The following SYNPR variants were observed in gnomAD, a reference collection of about 807,000 sequenced individuals.
The protein encoded by SYNPR is synaptoporin.
A neutral mutation model predicts 32.9 loss-of-function variants in SYNPR; 23 were observed. That is an observed-to-expected ratio of 0.70 (90% confidence interval 0.50 to 0.99). The LOEUF is 0.99. Ranked by LOEUF, SYNPR falls within the 50% of genes least tolerant of loss-of-function variation. SYNPR has a pLI of 0.00. For synonymous variants in SYNPR, 146 were observed against 135.9 expected, an observed-to-expected ratio of 1.07 and a Z score of -0.52; for missense variants, 318 against 349.3, an observed-to-expected ratio of 0.91 and a Z score of 0.71.
intron 3 of SYNPR, among the ~76,000 whole-genome samples, chr3:63,505,023 G>GT (rs912155787): frequency 1.5e-4 from 23 of 152,040 alleles, no homozygotes; most frequent in African/African-American, 5.3e-4. Context: ...GTGAAAGATG[G>GT]TAAGTGAACT....
chr3:63,452,104 C>A lies in SYNPR; in HGVS notation c.85-28728C>A, dbSNP rs780922610. 3 of 701,914 alleles carry A rather than the reference C, an allele frequency of 4.3e-6. No individual in the cohort carries two copies. The East Asian group carries it at 8.1e-5, about 19-fold the overall frequency. 43.5% of individuals were successfully genotyped at this position (701,914 alleles called of 1,614,324 possible). A position where few individuals can be genotyped will look rare whatever the true frequency, so the allele number is the denominator to read the frequency against. Reference sequence around the variant, plus strand: ...TTTCTCAAACGTTTTTTCTCTGGATCTCTTCAAAAAGGCAAGAATGTTTTC... The same window carrying A: ...TTTCTCAAACGTTTTTTCTCTGGATATCTTCAAAAAGGCAAGAATGTTTTC... On this transcript the variant is annotated intron_variant, in intron 2 of 5. Transcript: ENST00000478300.
intron 2 of SYNPR, among the ~76,000 whole-genome samples, chr3:63,313,758 CATATATATATCCAT>C (rs2086999013): frequency 3.3e-4 from 3 of 9,080 alleles, no homozygotes; most frequent in African/African-American, 1.5e-3. Flanking sequence ...TATATATATC[CATATATATATCCAT>C]ATATATATAT....
At chr3:63,546,028 G>T (rs533426351) in intron 3 of SYNPR, among the ~76,000 whole-genome samples, 1 of 152,040 alleles carries the variant, frequency 6.6e-6, no homozygotes, top group Non-Finnish European at 1.5e-5. Flanking sequence ...GACTGTTTTT[G>T]TTTCACAATT....
chr3:63,337,403 T>C (rs2087309190), intron 2 of SYNPR, among the ~76,000 whole-genome samples: 1 of 152,126 alleles, frequency 6.6e-6, no homozygotes, highest in African/African-American at 2.4e-5. Flanking sequence ...GGACTCTTCA[T>C]TCACTGATCG....
chr3:63,345,889 A>G (rs2087431366), intron 2 of SYNPR, among the ~76,000 whole-genome samples: 2 of 151,850 alleles, frequency 1.3e-5, no homozygotes, highest in Admixed American at 1.3e-4. Context: ...ATCTCAGCTC[A>G]CTGCAACCTC....
intron 2 of SYNPR, among the ~76,000 whole-genome samples, chr3:63,302,463 G>A (rs538467423): frequency 1.6e-4 from 24 of 152,000 alleles, no homozygotes; most frequent in Non-Finnish European, 3.2e-4. Flanking sequence ...AAAGCCACAT[G>A]GATTATAAGT....
At chr3:63,326,209 G>C (rs139005726) in intron 2 of SYNPR, among the ~76,000 whole-genome samples, 2 of 152,042 alleles carry the variant, frequency 1.3e-5, no homozygotes, top group African/African-American at 4.8e-5. Context: ...ATGAGGCTTA[G>C]AAAAGTTAAG....
At chr3:63,290,785 G>C (rs922305065) in intron 2 of SYNPR, among the ~76,000 whole-genome samples, 4 of 152,160 alleles carry the variant, frequency 2.6e-5, no homozygotes, top group Non-Finnish European at 5.9e-5. Flanking sequence ...GTGTGTGTGA[G>C]TCGTCATTCT....
intron 2 of SYNPR, among the ~76,000 whole-genome samples, chr3:63,308,143 A>G (rs1397916274): frequency 1.6e-4 from 24 of 152,060 alleles, no homozygotes. Context: ...GATGAAAAGA[A>G]ACTTAACTAT....
upstream of SYNPR, among the ~76,000 whole-genome samples, chr3:63,275,769 G>A (rs987688087): frequency 1.3e-4 from 20 of 152,160 alleles, no homozygotes; most frequent in Non-Finnish European, 2.6e-4. Context: ...ACAATGCCTG[G>A]CAGGTAGCAG....
intron 2 of SYNPR, among the ~76,000 whole-genome samples, chr3:63,381,461 G>A (rs2087968483): frequency 6.6e-6 from 1 of 152,228 alleles, no homozygotes; most frequent in African/African-American, 2.4e-5. Flanking sequence ...TCAATATCGT[G>A]AAAACGGCCA....
intron 4 of SYNPR, among the ~76,000 whole-genome samples, chr3:63,597,155 A>G (rs1303839732): frequency 6.6e-6 from 1 of 152,110 alleles, no homozygotes; most frequent in Non-Finnish European, 1.5e-5. Context: ...TGCCGCTCCT[A>G]TTTGTGGCTT....
intron 3 of SYNPR, among the ~76,000 whole-genome samples, chr3:63,501,713 G>C (rs1701485911): frequency 6.6e-6 from 1 of 152,040 alleles, no homozygotes; most frequent in Non-Finnish European, 1.5e-5. Flanking sequence ...AGAATTTTGA[G>C]TTGTAGAAAA....
At chr3:63,585,271 C>A (rs929743364) in intron 4 of SYNPR, among the ~76,000 whole-genome samples, 3 of 151,968 alleles carry the variant, frequency 2.0e-5, no homozygotes, top group African/African-American at 4.8e-5. Flanking sequence ...TATGCCTAGG[C>A]AGAGTAAAAA....
At chr3:63,267,104 C>A (rs1247979070) in intron 2 of SYNPR, among the ~76,000 whole-genome samples, 1 of 152,128 alleles carries the variant, frequency 6.6e-6, no homozygotes, top group Non-Finnish European at 1.5e-5. Flanking sequence ...AACCTATAGG[C>A]ATAAAAATGG....
intron 1 of SYNPR, among the ~76,000 whole-genome samples, chr3:63,243,870 A>G (rs2086265915): frequency 1.3e-5 from 2 of 152,048 alleles, no homozygotes; most frequent in Non-Finnish European, 2.9e-5. Flanking sequence ...TGTGGAATAA[A>G]AAAAACAAAA....
intron 3 of SYNPR, among the ~76,000 whole-genome samples, chr3:63,481,800 G>T (rs990987523): frequency 6.6e-6 from 1 of 152,056 alleles, no homozygotes; most frequent in African/African-American, 2.4e-5. Flanking sequence ...CCAAGCCAAC[G>T]CATGCTTTCA....
rs538475702 is a variant in SYNPR, at chr3:63,345,630, C to T, written c.84+66888C>T. On this transcript the variant is annotated intron_variant, in intron 2 of 5. Coordinates refer to ENST00000478300, the MANE Select transcript of SYNPR (RefSeq NM_001130003.2). Reference sequence around the variant, plus strand: ...GCCTAGCCTCTCTTCTCCTGCTGGTCTCGCATTGGCTGACTCCAACCCCAA... The same window carrying T: ...GCCTAGCCTCTCTTCTCCTGCTGGTTTCGCATTGGCTGACTCCAACCCCAA... 2.6e-5 allele frequency among the ~76,000 whole-genome samples: 4 copies of T among 152,252 alleles called. No individual in the cohort carries two copies. The East Asian group carries it at 7.7e-4, about 29-fold the overall frequency.
At chr3:63,314,275 T>C (rs2087016782) in intron 2 of SYNPR, among the ~76,000 whole-genome samples, 1 of 151,100 alleles carries the variant, frequency 6.6e-6, no homozygotes, top group Non-Finnish European at 1.5e-5. Flanking sequence ...GTAGTTCAGT[T>C]CTTTAGGCAA....
Sources: gnomAD v4.1 joint callset for allele counts (sites outside exome capture counted in the v4.1 genomes callset) on GRCh38, gnomAD v4.1.1 for gene constraint, MANE v1.5 for transcripts, NCBI Gene and HGNC (gene_info 2026-07-23, HGNC 2026-07-21) for gene names.